The following LCORL variants were observed in gnomAD, a reference collection of about 807,000 sequenced individuals.
The protein encoded by LCORL is ligand dependent nuclear receptor corepressor like.
In LCORL, 41 loss-of-function variants were observed where a neutral mutation model predicts 141.8. The ratio of observed to expected loss-of-function variants is 0.29; its 90% confidence interval spans 0.23 to 0.38. The LOEUF is 0.38. LCORL is among the 10% of genes least tolerant of loss of function. The pLI, the probability that LCORL is intolerant of heterozygous loss-of-function variation, is 1.00. For synonymous variants in LCORL, 618 were observed against 694.1 expected, an observed-to-expected ratio of 0.89 and a Z score of 1.72; for missense variants, 1,759 against 2,035.0, an observed-to-expected ratio of 0.86 and a Z score of 2.61.
At chr4:17,876,885 T>G in exon 7 of LCORL, 1 of 1,230,772 alleles carries the variant, frequency 8.1e-7, no homozygotes. Context: ...AAGAGGTAGT[T>G]GCAGTGACTG....
At chr4:17,889,506 A>G (rs1330573704) in intron 5 of LCORL, among the ~76,000 whole-genome samples, 1 of 152,136 alleles carries the variant, frequency 6.6e-6, no homozygotes, top group Non-Finnish European at 1.5e-5. Context: ...TAGTTGCAAT[A>G]CCATTAAGAA....
At chr4:17,972,753 A>G in intron 2 of LCORL, 67 bp downstream of exon 2, 1 of 671,372 alleles carries the variant, frequency 1.5e-6, no homozygotes, top group Non-Finnish European at 2.3e-6. Context: ...TTAGTATAGA[A>G]CAACAATTTT....
rs538379580 is a variant in LCORL at position 17,904,668 on chromosome 4, T to C, written c.682+4426A>G. 2.0e-5 allele frequency among the ~76,000 whole-genome samples: 3 copies of C among 152,262 alleles called. No individual in the cohort carries two copies. The South Asian group carries it at 6.2e-4, about 32-fold the overall frequency. On this transcript the variant is annotated intron_variant, in intron 5 of 7. Coordinates refer to ENST00000635767, the Ensembl canonical transcript of LCORL. ...ATACAGTATCTTTCCCCGTGATTTA[T>C]AATGACATTTCTGTCTTGCACTAAG... is the stretch of plus-strand genomic sequence containing the variant.
At chr4:17,994,225 G>A (rs985925836) in intron 1 of LCORL, among the ~76,000 whole-genome samples, 6 of 152,220 alleles carry the variant, frequency 3.9e-5, no homozygotes, top group African/African-American at 1.2e-4. Context: ...CCATTTAAAA[G>A]CTGCTTTTCT....
chr4:17,974,980 G>A (rs1004721230), intron 1 of LCORL, among the ~76,000 whole-genome samples: 17 of 151,870 alleles, frequency 1.1e-4, no homozygotes, highest in African/African-American at 3.1e-4. Context: ...CTGATTACTT[G>A]ACTAAAAATT....
intron 4 of LCORL, among the ~76,000 whole-genome samples, chr4:17,945,008 AAAT>A (rs1188470434): frequency 6.6e-6 from 1 of 152,190 alleles, no homozygotes; most frequent in African/African-American, 2.4e-5. Context: ...AAAAATGGTG[AAAT>A]AATATACAAA....
chr4:17,948,311 G>A (rs768979703), intron 4 of LCORL, among the ~76,000 whole-genome samples: 1 of 151,964 alleles, frequency 6.6e-6, no homozygotes, highest in Non-Finnish European at 1.5e-5. Flanking sequence ...ACAGAGTAGG[G>A]TTTTAAACTT....
At chr4:18,013,325 C>T (rs749684069) in intron 1 of LCORL, among the ~76,000 whole-genome samples, 1 of 152,190 alleles carries the variant, frequency 6.6e-6, no homozygotes, top group Non-Finnish European at 1.5e-5. Context: ...CTCTGATATA[C>T]TCAAGTTATA....
At chr4:17,934,805 A>T (rs747852660) in intron 4 of LCORL, among the ~76,000 whole-genome samples, 5 of 152,190 alleles carry the variant, frequency 3.3e-5, no homozygotes, top group Non-Finnish European at 7.4e-5. Context: ...GTGAGCAAGT[A>T]TCTCATTAGT....
In LCORL at chr4:17,875,676, TC is replaced by T. The variant is rs1251726881; in HGVS notation, c.3313del (p.Asp1105IlefsTer27). ...CTGGCAAACAGTGATGTTTGTTTGA[TC>T]AATTTTAGGCTTTGGTGGTCTTCCA... is the stretch of plus-strand genomic sequence containing the variant. On this transcript the variant is annotated frameshift_variant, in exon 7 of 8. Coordinates refer to ENST00000635767, the Ensembl canonical transcript of LCORL. LOFTEE classifies it high-confidence loss of function. The T allele has an allele frequency of 8.1e-7, 1 of 1,231,276 alleles. No individual in the cohort carries two copies. The highest frequency in any genetic ancestry group is 1.0e-6 in the Non-Finnish European group (1 of 987,474). 76.3% of individuals were successfully genotyped at this position (1,231,276 alleles called of 1,614,324 possible).
At chr4:17,895,887 GT>G (rs1293313966) in intron 5 of LCORL, among the ~76,000 whole-genome samples, 1 of 152,108 alleles carries the variant, frequency 6.6e-6, no homozygotes, top group Non-Finnish European at 1.5e-5. Flanking sequence ...CCTTTCTATT[GT>G]TGAATACTAT....
chr4:17,889,373 A>C (rs1728752189), intron 5 of LCORL, among the ~76,000 whole-genome samples: 1 of 152,152 alleles, frequency 6.6e-6, no homozygotes, highest in Admixed American at 6.6e-5. Context: ...TTTGACAAAT[A>C]AAGTAATATA....
At chr4:17,910,995 T>C (rs1732429462) in intron 4 of LCORL, among the ~76,000 whole-genome samples, 1 of 152,212 alleles carries the variant, frequency 6.6e-6, no homozygotes. Context: ...GTAAAAGACC[T>C]AGCTATAGTT....
exon 7 of LCORL, chr4:17,873,397 T>C (rs1726579746): frequency 1.6e-6 from 2 of 1,233,576 alleles, no homozygotes; most frequent in East Asian, 6.3e-5. Context: ...CCTAGGGATT[T>C]GGAAAAATAG....
intron 5 of LCORL, among the ~76,000 whole-genome samples, chr4:17,900,779 AG>A (rs569711380): frequency 6.8e-4 from 103 of 152,202 alleles, no homozygotes; most frequent in Non-Finnish European, 1.3e-3. Context: ...AGGAAGAGGT[AG>A]GGAGGATAAA....
At chr4:17,920,618 C>G (rs1734135738) in intron 4 of LCORL, among the ~76,000 whole-genome samples, 1 of 152,202 alleles carries the variant, frequency 6.6e-6, no homozygotes, top group African/African-American at 2.4e-5. Flanking sequence ...CATTTTACCC[C>G]AAGTAGAACT....
intron 1 of LCORL, among the ~76,000 whole-genome samples, chr4:18,002,460 C>T (rs1722133628): frequency 6.6e-6 from 1 of 151,460 alleles, no homozygotes; most frequent in African/African-American, 2.4e-5. Flanking sequence ...ATAACTAAAC[C>T]ATATAGTACA....
intron 5 of LCORL, among the ~76,000 whole-genome samples, chr4:17,899,958 T>C (rs1730626194): frequency 1.3e-5 from 2 of 152,134 alleles, no homozygotes; most frequent in African/African-American, 2.4e-5. Flanking sequence ...CATGCAAATA[T>C]TCCAAAATAA....
intron 6 of LCORL, chr4:17,881,051 T>C: frequency 3.1e-6 from 3 of 979,580 alleles, no homozygotes; most frequent in Non-Finnish European, 3.6e-6. Flanking sequence ...TCACTAAAGT[T>C]AGTATACAAT....
Sources: allele counts gnomAD v4.1 joint callset (sites outside exome capture counted in the v4.1 genomes callset), GRCh38; gene constraint gnomAD v4.1.1; transcripts MANE v1.5; gene names NCBI Gene and HGNC (gene_info 2026-07-23, HGNC 2026-07-21).